Variants in PGBD1 observed in about 807,000 individuals in gnomAD.
PGBD1 encodes piggyBac transposable element-derived protein 1.
In PGBD1, 25 loss-of-function variants were observed where a neutral mutation model predicts 34.7. That is an observed-to-expected ratio of 0.72 (90% CI 0.52 to 1.00). The LOEUF (loss-of-function observed/expected upper bound fraction) is 1.00, where lower values mean the gene tolerates loss of function less well. PGBD1 is among the 50% of genes least tolerant of loss of function. PGBD1 has a pLI of 0.00. For synonymous variants in PGBD1, 292 were observed against 335.7 expected (o/e 0.87, Z 1.42); for missense variants, 830 against 959.4 (o/e 0.87, Z 1.78).
chr6:28,295,817 A>G (rs975419408), intron 4 of PGBD1, among the ~76,000 whole-genome samples: 2 of 152,156 alleles, frequency 1.3e-5, no homozygotes. Context: ...TGAACCTGCA[A>G]TATCTCTGAG....
chr6:28,284,477 C>T lies in PGBD1; in HGVS notation c.396+268C>T, dbSNP rs144759840. Among the ~76,000 whole-genome samples, 1,210 of 151,924 alleles carry T rather than the reference C, an allele frequency of 8.0e-3. 16 individuals are homozygous for T. Among genetic ancestry groups the T allele is most frequent in the African/African-American group, 0.026 (1,067 of 41,440 alleles). On this transcript the variant is annotated intron_variant, in intron 2 of 6. Transcript: ENST00000682144. ...ATACACACACATACATACACATATG[C>T]AGTATTTTTTTTTCCTGAATCTATT...
In PGBD1 at chr6:28,285,715, C is replaced by G. The variant is rs866128778; in HGVS notation, c.553+8C>G. ...ACCCCCAAGAAGTGAGTGGTGAGTG[C>G]TCGAGTGAGTTTAGTGAGGACGCTG... On this transcript the variant is annotated splice_region_variant and intron_variant, in intron 3 of 6. Coordinates refer to ENST00000682144, the MANE Select transcript of PGBD1 (RefSeq NM_032507.4). 3 of 1,611,398 alleles carry G rather than the reference C, an allele frequency of 1.9e-6. No homozygotes were observed. In the Middle Eastern group the frequency reaches 5.6e-4, roughly 298 times the overall value.
rs373324481 is a variant in PGBD1, at chr6:28,302,302, T to C, written c.*18T>C. 2.4e-5 allele frequency: 39 copies of C among 1,597,830 alleles called. No individual in the cohort carries two copies. The highest frequency in any genetic ancestry group is 3.2e-5 in the Non-Finnish European group (37 of 1,170,252). On this transcript the variant is annotated 3_prime_UTR_variant, in exon 7 of 7. Coordinates refer to ENST00000682144, the MANE Select transcript of PGBD1 (RefSeq NM_032507.4). ...CAGATTAGGGTACATAAAATGGACA[T>C]AGTGCAGACATTAATAAGACATAGA...
In PGBD1 at chr6:28,301,307, G is replaced by T. The variant is rs919735330; in HGVS notation, c.1453G>T (p.Asp485Tyr). ...AATGTATTGGGAAGTCTCTGACACC[G>T]ATCAGAACCTGGTTAGAGATGCAAT... Reference protein sequence around the residue: ...REMYWEVSDTDQNLVRDAIRR... With the variant: ...REMYWEVSDTYQNLVRDAIRR... The change falls in exon 7 of 7, where the codon GAT becomes TAT. Residue 485 changes from aspartate to tyrosine, a missense_variant. This residue lies in a region of PGBD1 where 372 missense variants were observed against 427.9 expected (regional missense o/e 0.87). Coordinates refer to ENST00000682144, the MANE Select transcript of PGBD1 (RefSeq NM_032507.4). 6.2e-7 allele frequency: 1 copy of T among 1,613,964 alleles called. No homozygotes were observed. Among genetic ancestry groups the T allele is most frequent in the Non-Finnish European group, 8.5e-7 (1 of 1,180,022 alleles).
intron 4 of PGBD1, among the ~76,000 whole-genome samples, chr6:28,289,173 GA>G (rs1762374245): frequency 6.6e-6 from 1 of 152,018 alleles, no homozygotes; most frequent in East Asian, 1.9e-4. Flanking sequence ...AACTGTCCAG[GA>G]AAAAGAGAGG....
intron 1 of PGBD1, among the ~76,000 whole-genome samples, chr6:28,282,938 A>G (rs1762172371): frequency 6.6e-6 from 1 of 152,226 alleles, no homozygotes; most frequent in Admixed American, 6.5e-5. Context: ...TCAGTTATGT[A>G]TTGTTGCATC....
Position 28,282,372 on chromosome 6 carries a change from C to T in PGBD1, c.-39+454C>T, listed in dbSNP as rs367823417. On this transcript the variant is annotated intron_variant, in intron 1 of 6. Transcript: ENST00000682144. ...AGCAAAACCCAGTAAAGATTAGATCCTGGGGAGTTTGAATTTACTTCAACG... is the reference window on the plus strand; with the variant it reads ...AGCAAAACCCAGTAAAGATTAGATCTTGGGGAGTTTGAATTTACTTCAACG... Among the ~76,000 whole-genome samples, 9 of 152,162 alleles carry T rather than the reference C, an allele frequency of 5.9e-5. No individual in the cohort carries two copies. The South Asian group carries it at 1.7e-3, about 28-fold the overall frequency.
chr6:28,282,461 G>GTT (rs1207653130), intron 1 of PGBD1, among the ~76,000 whole-genome samples: 1 of 152,190 alleles, frequency 6.6e-6, no homozygotes, highest in Non-Finnish European at 1.5e-5. Context: ...GGTCACAACT[G>GTT]TGCTTTAGGG....
chr6:28,282,164 G>A (rs1344881712), intron 1 of PGBD1, among the ~76,000 whole-genome samples: 2 of 152,220 alleles, frequency 1.3e-5, no homozygotes, highest in Non-Finnish European at 2.9e-5. Context: ...CCTTAGAAGG[G>A]CGGTCCTGAC....
At chr6:28,285,408 GT>G in intron 2 of PGBD1, 142 bp from the exon 3 acceptor site, 2 of 790,218 alleles carry the variant, frequency 2.5e-6, no homozygotes, top group Non-Finnish European at 3.8e-6. Context: ...CTTGTTTGTT[GT>G]TTTTGTTTTT....
chr6:28,293,639 A>G (rs1762538914), intron 4 of PGBD1, among the ~76,000 whole-genome samples: 1 of 152,188 alleles, frequency 6.6e-6, no homozygotes, highest in Non-Finnish European at 1.5e-5. Flanking sequence ...AAAATGTTTC[A>G]AACTTTATTG....
chr6:28,297,475 C>T (rs1433201607), intron 5 of PGBD1, among the ~76,000 whole-genome samples: 1 of 152,148 alleles, frequency 6.6e-6, no homozygotes, highest in Non-Finnish European at 1.5e-5. Context: ...CTCCTGGGCT[C>T]AACTGATCCT....
intron 6 of PGBD1, among the ~76,000 whole-genome samples, chr6:28,298,955 G>T (rs184222714): frequency 5.9e-5 from 9 of 152,180 alleles, no homozygotes; most frequent in African/African-American, 2.2e-4. Flanking sequence ...GCTGAGAAGG[G>T]GGTGTGAATT....
intron 4 of PGBD1, among the ~76,000 whole-genome samples, 159 bp downstream of exon 4, chr6:28,287,327 G>A (rs556859871): frequency 7.9e-5 from 12 of 152,306 alleles, no homozygotes; most frequent in African/African-American, 2.9e-4. Flanking sequence ...CACAAAGTGT[G>A]TTGCATCATT....
chr6:28,289,943 A>G (rs7744788), intron 4 of PGBD1, among the ~76,000 whole-genome samples: 16,025 of 152,218 alleles, frequency 0.11, 989 homozygotes, highest in African/African-American at 0.15. Flanking sequence ...GGGATCTAAG[A>G]TAAGTTGTTA....
chr6:28,285,687 G>A lies in PGBD1; in HGVS notation c.533G>A (p.Gly178Glu). The A allele has an allele frequency of 1.2e-6, 2 of 1,613,706 alleles. No individual in the cohort carries two copies. Among genetic ancestry groups the A allele is most frequent in the African/African-American group, 1.3e-5 (1 of 75,018 alleles). ...TGTGAACCTCCACAGCGTCCTCAAG[G>A]GAACCCCCAAGAAGTGAGTGGTGAG... ...LKCEPPQRPQ[G>E]NPQEVSGPVP... Residue 178 changes from glycine (G) to glutamate (E), a missense_variant, in exon 3 of 7, where the codon GGG becomes GAG. By Grantham distance (98) the Gly-to-Glu change is moderately conservative. Transcript: ENST00000682144.
chr6:28,296,566 G>T (rs765932844), intron 4 of PGBD1, among the ~76,000 whole-genome samples: 14 of 152,188 alleles, frequency 9.2e-5, no homozygotes, highest in Non-Finnish European at 1.5e-4. Context: ...GGATGTGGAA[G>T]AATTCTTTGT....
intron 3 of PGBD1, 61 bp downstream of exon 3, chr6:28,285,768 C>T (rs1357245645): frequency 6.6e-7 from 1 of 1,519,862 alleles, no homozygotes; most frequent in Non-Finnish European, 8.9e-7. Flanking sequence ...CTTGCACAGC[C>T]TTCTTGACCT....
At chr6:28,290,614 T>C (rs1453628241) in intron 4 of PGBD1, among the ~76,000 whole-genome samples, 1 of 152,188 alleles carries the variant, frequency 6.6e-6, no homozygotes, top group Non-Finnish European at 1.5e-5. Flanking sequence ...CTAACTGATA[T>C]TTACTGAACA....
Sources: gnomAD v4.1 joint callset for allele counts (sites outside exome capture counted in the v4.1 genomes callset) on GRCh38, gnomAD v4.1.1 for gene constraint, gnomAD v4.1.1 regional missense constraint, MANE v1.5 for transcripts, NCBI Gene and HGNC (gene_info 2026-07-23, HGNC 2026-07-21) for gene names.